The following OSBPL10 variants were observed in gnomAD, a reference collection of about 807,000 sequenced individuals.
The protein encoded by OSBPL10 is oxysterol-binding protein-related protein 10.
A neutral mutation model predicts 81.7 loss-of-function variants in OSBPL10; 49 were observed. The ratio of observed to expected loss-of-function variants is 0.60; its 90% confidence interval spans 0.48 to 0.76. OSBPL10 has a LOEUF of 0.76. Among genes scored for constraint, OSBPL10 ranks in the 30% least tolerant of loss-of-function variants. The probability of loss-of-function intolerance (pLI) is 0.00; values close to 1 mark genes in which losing one functional copy is unlikely to be tolerated. For synonymous variants in OSBPL10, 419 were observed against 383.6 expected (o/e 1.09, Z -1.08); for missense variants, 923 against 987.8 (o/e 0.93, Z 0.88).
intron 2 of OSBPL10, chr3:31,991,648 CTG>C (rs1699031576): frequency 6.0e-6 from 1 of 165,592 alleles, no homozygotes; most frequent in Non-Finnish European, 1.5e-5. Flanking sequence ...TTAGTTGACT[CTG>C]TGATTTTCTA....
Position 32,040,899 on chromosome 3 carries a change from A to G in OSBPL10, n.298+5592T>C, listed in dbSNP as rs141191144. On this transcript the variant is annotated intron_variant and non_coding_transcript_variant, in intron 2 of 3. Transcript: ENST00000479173. ...AACAGAGAAGAACTGAGATGACCTTACATTGTTCCTTGCAGCTCCAGAGAG... is the reference window on the plus strand; with the variant it reads ...AACAGAGAAGAACTGAGATGACCTTGCATTGTTCCTTGCAGCTCCAGAGAG... Among the ~76,000 whole-genome samples, 6 of 152,272 alleles carry G rather than the reference A, an allele frequency of 3.9e-5. No homozygotes were observed. The East Asian group carries it at 1.2e-3, about 29-fold the overall frequency.
At chr3:31,990,380 T>G (rs1699010961) in intron 2 of OSBPL10, 1 of 1,613,944 alleles carries the variant, frequency 6.2e-7, no homozygotes. Flanking sequence ...TGTGGCAAAT[T>G]TTTTAGACGT....
At position 31,668,647 on chromosome 3, in the gene OSBPL10, C is replaced by G; in HGVS notation, c.2091G>C (p.Glu697Asp). The G allele has an allele frequency of 6.2e-7, 1 of 1,612,102 alleles. No homozygotes were observed. The highest frequency in any genetic ancestry group is 8.5e-7 in the Non-Finnish European group (1 of 1,178,814). Residue 697 changes from glutamate to aspartate, a missense_variant, in exon 10 of 12, where the codon GAG becomes GAC. Physicochemically the swap from Glu to Asp is conservative, Grantham distance 45. This residue lies in a region of OSBPL10 where 387 missense variants were observed against 436.3 expected (regional missense o/e 0.89). Coordinates refer to ENST00000396556, the MANE Select transcript of OSBPL10 (RefSeq NM_017784.5). ...IRPLEKQGPM[E>D]SRNLWREVTR... Reference sequence around the variant, plus strand: ...AGACACAGCCCGGTTCTCACCTGGACTCCATGGGTCCCTGCTTCTCAAGAG... The same window carrying G: ...AGACACAGCCCGGTTCTCACCTGGAGTCCATGGGTCCCTGCTTCTCAAGAG...
At chr3:31,715,572 A>G (rs1459670688) in intron 6 of OSBPL10, among the ~76,000 whole-genome samples, 1 of 152,252 alleles carries the variant, frequency 6.6e-6, no homozygotes, top group Non-Finnish European at 1.5e-5. Flanking sequence ...TTGAAAATCT[A>G]AAATTCCTGA....
intron 4 of OSBPL10, among the ~76,000 whole-genome samples, chr3:31,798,282 T>A (rs1282482790): frequency 6.6e-6 from 1 of 151,936 alleles, no homozygotes; most frequent in African/African-American, 2.4e-5. Context: ...ACATAAAAAT[T>A]AGCTGGGCGT....
intron 2 of OSBPL10, among the ~76,000 whole-genome samples, chr3:31,878,286 C>T (rs78812898): frequency 0.012 from 1,754 of 152,258 alleles, 15 homozygotes; most frequent in Non-Finnish European, 0.018. Context: ...TTATAAACCA[C>T]AGGCAGGGTG....
At position 31,702,348 on chromosome 3, in the gene OSBPL10, T is replaced by C. The variant is rs556036034; in HGVS notation, c.1245+11A>G. ...CAACTGACCACAAATCCAGGGGACA[T>C]GCCAACCTACCTTGGTCAAATCCAT... is the stretch of plus-strand genomic sequence containing the variant. On this transcript the variant is annotated intron_variant, in intron 7 of 11. Coordinates refer to ENST00000396556, the MANE Select transcript of OSBPL10 (RefSeq NM_017784.5). 5 of 1,613,524 alleles carry C rather than the reference T, an allele frequency of 3.1e-6. No homozygotes were observed. Among genetic ancestry groups the C allele is most frequent in the Admixed American group, 1.7e-5 (1 of 60,000 alleles).
intron 6 of OSBPL10, chr3:31,703,768 T>C (rs933897129): frequency 1.3e-5 from 2 of 152,188 alleles, no homozygotes; most frequent in Non-Finnish European, 2.9e-5. Context: ...ATAACCCCAA[T>C]TCTAAAGAGA....
At chr3:31,841,063 C>T (rs949936693) in intron 3 of OSBPL10, among the ~76,000 whole-genome samples, 5 of 152,200 alleles carry the variant, frequency 3.3e-5, no homozygotes, top group Non-Finnish European at 7.3e-5. Flanking sequence ...CATGTGCCAC[C>T]ACGCCCAGCT....
At chr3:31,987,057 T>G (rs1698943894) in intron 2 of OSBPL10, among the ~76,000 whole-genome samples, 1 of 152,114 alleles carries the variant, frequency 6.6e-6, no homozygotes, top group Non-Finnish European at 1.5e-5. Flanking sequence ...TAATAATTTA[T>G]AAATATATAT....
At chr3:31,727,484 C>T (rs1272888118) in intron 6 of OSBPL10, among the ~76,000 whole-genome samples, 2 of 152,030 alleles carry the variant, frequency 1.3e-5, no homozygotes, top group Non-Finnish European at 2.9e-5. Context: ...GAAGGATAAT[C>T]CTATCACCCA....
At position 31,826,305 on chromosome 3, in the gene OSBPL10, C is replaced by A. The variant is rs576556618; in HGVS notation, c.729+3735G>T. ...TTCTGATAATTTCACAAACAGTTGC[C>A]TTAATTTTCATTTCTTGAATTGCTA... On this transcript the variant is annotated intron_variant, in intron 4 of 11. Coordinates refer to ENST00000396556, the MANE Select transcript of OSBPL10 (RefSeq NM_017784.5). 2.6e-5 allele frequency among the ~76,000 whole-genome samples: 4 copies of A among 152,306 alleles called. No homozygotes were observed. The East Asian group carries it at 7.7e-4, about 29-fold the overall frequency.
At chr3:32,030,472 A>T in intron 2 of OSBPL10, 1 of 691,958 alleles carries the variant, frequency 1.4e-6, no homozygotes, top group South Asian at 1.4e-5. Context: ...TAATGTGCGT[A>T]TTAAGCGTAT....
chr3:31,864,329 C>A (rs1166749691), intron 3 of OSBPL10, among the ~76,000 whole-genome samples: 1 of 152,134 alleles, frequency 6.6e-6, no homozygotes, highest in Non-Finnish European at 1.5e-5. Context: ...GCAACCTCCG[C>A]CTCCTGGGTT....
chr3:31,671,346 A>G (rs933636848), intron 8 of OSBPL10, among the ~76,000 whole-genome samples: 5 of 152,168 alleles, frequency 3.3e-5, no homozygotes, highest in African/African-American at 1.2e-4. Context: ...AAGAAAATGA[A>G]CAGGGGAAGG....
chr3:31,706,180 G>A (rs1281813587), intron 6 of OSBPL10, among the ~76,000 whole-genome samples: 1 of 152,160 alleles, frequency 6.6e-6, no homozygotes, highest in African/African-American at 2.4e-5. Context: ...AAATCAATGG[G>A]CAGGAAAAAG....
At chr3:31,913,147 G>T (rs954163273) in intron 1 of OSBPL10, among the ~76,000 whole-genome samples, 1 of 152,030 alleles carries the variant, frequency 6.6e-6, no homozygotes, top group East Asian at 1.9e-4. Flanking sequence ...AGTAAATGAG[G>T]GGACTATAAT....
intron 2 of OSBPL10, among the ~76,000 whole-genome samples, chr3:32,036,462 G>A (rs1341736940): frequency 6.6e-6 from 1 of 152,130 alleles, no homozygotes; most frequent in African/African-American, 2.4e-5. Context: ...CTTCTGCCTG[G>A]AAAGCTCACA....
chr3:32,046,143 G>T (rs1259659002), intron 2 of OSBPL10, among the ~76,000 whole-genome samples: 3 of 152,206 alleles, frequency 2.0e-5, no homozygotes, highest in Non-Finnish European at 4.4e-5. Context: ...ACTTTGGGAG[G>T]CCAAGGAGGG....
Sources: gnomAD v4.1 joint callset for allele counts (sites outside exome capture counted in the v4.1 genomes callset) on GRCh38, gnomAD v4.1.1 for gene constraint, gnomAD v4.1.1 regional missense constraint, MANE v1.5 for transcripts, NCBI Gene and HGNC (gene_info 2026-07-23, HGNC 2026-07-21) for gene names.